Variants in UGT1A8 observed in about 807,000 individuals in gnomAD.
UGT1A8 encodes the protein UDP-glucuronosyltransferase 1A8.
UGT1A8 carries 39 observed loss-of-function variants against 45.3 expected under a neutral mutation model. The ratio of observed to expected loss-of-function variants is 0.86; its 90% CI spans 0.67 to 1.12. UGT1A8 has a LOEUF of 1.12. Among genes scored for constraint, UGT1A8 ranks in the 50% most tolerant of loss-of-function variants. The pLI is 0.00. For missense variants in UGT1A8, 719 were observed against 664.9 expected, an observed-to-expected ratio of 1.08 and a Z score of -0.90; for synonymous variants, 275 against 249.2, an observed-to-expected ratio of 1.10 and a Z score of -0.97.
chr2:233,757,188 C>CT (rs910058978), intron 1 of UGT1A8, among the ~76,000 whole-genome samples: 3 of 150,488 alleles, frequency 2.0e-5, no homozygotes, highest in African/African-American at 7.4e-5. Flanking sequence ...GCAGAGGACT[C>CT]TGAATTTTCT....
rs189834319 is a variant in UGT1A8, at chr2:233,769,760, C to T, written c.1295+1321C>T. On this transcript the variant is annotated intron_variant, in intron 4 of 4. Transcript: ENST00000373450. The surrounding 1 kb of genome is among the most constrained non-coding windows in gnomAD (Gnocchi z 4.4). ...GTCCCAGCCACTCTGGAGGCTAAGG[C>T]GGGAGGATTGCTTGAGCCCAGAAGT... The T allele has an allele frequency of 8.3e-4, 1,153 of 1,396,052 alleles. 4 individuals are homozygous for T. The African/African-American group carries it at 9.8e-3, about 12-fold the overall frequency. 86.5% of individuals were successfully genotyped at this position (1,396,052 alleles called of 1,614,324 possible).
intron 1 of UGT1A8, among the ~76,000 whole-genome samples, chr2:233,696,549 T>C (rs1159703071): frequency 2.6e-5 from 4 of 152,222 alleles, no homozygotes; most frequent in Non-Finnish European, 4.4e-5. Flanking sequence ...TTTCTGAATA[T>C]ATTATGTCAT....
intron 1 of UGT1A8, chr2:233,760,520 C>T (rs779218106): frequency 6.8e-6 from 11 of 1,614,230 alleles, no homozygotes; most frequent in South Asian, 5.5e-5. Context: ...ACCTTGAAGA[C>T]GTACCCTGTG....
At chr2:233,647,731 A>T (rs574270263) in intron 1 of UGT1A8, among the ~76,000 whole-genome samples, 1 of 152,194 alleles carries the variant, frequency 6.6e-6, no homozygotes, top group African/African-American at 2.4e-5. Context: ...TGGTGATACT[A>T]CTGCTCTCAT....
At chr2:233,729,013 C>A in intron 1 of UGT1A8, 1 of 1,586,512 alleles carries the variant, frequency 6.3e-7, no homozygotes, top group Non-Finnish European at 8.6e-7. Context: ...CTCTGTCTTC[C>A]AATTACACGT....
intron 1 of UGT1A8, among the ~76,000 whole-genome samples, chr2:233,665,126 A>G (rs1415230566): frequency 6.6e-6 from 1 of 152,200 alleles, no homozygotes; most frequent in East Asian, 1.9e-4. Context: ...ACCAGGCTGG[A>G]CATATTGTTC....
intron 1 of UGT1A8, among the ~76,000 whole-genome samples, chr2:233,704,709 C>T (rs192586332): frequency 2.6e-5 from 4 of 152,180 alleles, no homozygotes; most frequent in African/African-American, 7.2e-5. Flanking sequence ...TTTCTTAGCC[C>T]AATTTGCCTT....
At chr2:233,757,773 G>A (rs1419561449) in intron 1 of UGT1A8, among the ~76,000 whole-genome samples, 2 of 151,708 alleles carry the variant, frequency 1.3e-5, no homozygotes, top group African/African-American at 2.4e-5. Context: ...TTAGTAATAA[G>A]CCTGTCATTC....
chr2:233,756,342 A>G (rs1696188900), intron 1 of UGT1A8: 1 of 152,190 alleles, frequency 6.6e-6, no homozygotes, highest in Non-Finnish European at 1.5e-5. Flanking sequence ...TCATCTCTTG[A>G]TTACTTTTAC....
At chr2:233,665,610 T>G (rs1216418216) in intron 1 of UGT1A8, among the ~76,000 whole-genome samples, 1 of 152,180 alleles carries the variant, frequency 6.6e-6, no homozygotes, top group African/African-American at 2.4e-5. Flanking sequence ...CATTGGTTGG[T>G]TTGAATAATT....
intron 1 of UGT1A8, among the ~76,000 whole-genome samples, chr2:233,671,409 A>G (rs1480374055): frequency 6.6e-6 from 1 of 152,192 alleles, no homozygotes; most frequent in Non-Finnish European, 1.5e-5. Context: ...AAGCAGCAAT[A>G]TGTATGCATT....
intron 1 of UGT1A8, chr2:233,690,400 C>T (rs1008882106): frequency 4.8e-5 from 56 of 1,157,702 alleles, no homozygotes; most frequent in Non-Finnish European, 6.0e-5. Flanking sequence ...CCTTCCTATT[C>T]CCAACATGAA....
chr2:233,708,329 G>A (rs537041320), intron 1 of UGT1A8: 6 of 152,052 alleles, frequency 3.9e-5, no homozygotes, highest in African/African-American at 1.4e-4. Context: ...AATATCTCAA[G>A]GTTATTTGAA....
At chr2:233,660,885 G>T (rs2073948778) in intron 1 of UGT1A8, among the ~76,000 whole-genome samples, 1 of 152,042 alleles carries the variant, frequency 6.6e-6, no homozygotes, top group African/African-American at 2.4e-5. Context: ...CTGTTATCTT[G>T]AGATTTTTAA....
intron 1 of UGT1A8, chr2:233,755,063 G>A (rs776771090): frequency 2.2e-6 from 3 of 1,334,780 alleles, no homozygotes; most frequent in South Asian, 1.1e-5. Flanking sequence ...CCCTCGCCTC[G>A]CCATAGCGGT....
At chr2:233,629,906 T>A (rs1487015262) in intron 1 of UGT1A8, among the ~76,000 whole-genome samples, 1 of 152,172 alleles carries the variant, frequency 6.6e-6, no homozygotes, top group Non-Finnish European at 1.5e-5. Context: ...GTAGACTTTT[T>A]TTTGGCATAA....
At chr2:233,622,042 C>T (rs2073017347) in intron 1 of UGT1A8, among the ~76,000 whole-genome samples, 1 of 152,160 alleles carries the variant, frequency 6.6e-6, no homozygotes, top group South Asian at 2.1e-4. Context: ...CATCTATGTC[C>T]CTGCAAAGGA....
At chr2:233,671,779 C>T in intron 1 of UGT1A8, 3 of 1,399,160 alleles carry the variant, frequency 2.1e-6, no homozygotes, top group Non-Finnish European at 2.8e-6. Context: ...TATTCTTGTT[C>T]TTTTGGGTAA....
At chr2:233,652,106 G>A (rs1334260679) in intron 1 of UGT1A8, among the ~76,000 whole-genome samples, 1 of 152,228 alleles carries the variant, frequency 6.6e-6, no homozygotes, top group Non-Finnish European at 1.5e-5. Flanking sequence ...CATCCAGGGT[G>A]AGTGTAGCTC....
Sources: allele counts gnomAD v4.1 joint callset (sites outside exome capture counted in the v4.1 genomes callset), GRCh38; gene constraint gnomAD v4.1.1; non-coding constraint Gnocchi (gnomAD v3.1); transcripts MANE v1.5; gene names NCBI Gene and HGNC (gene_info 2026-07-23, HGNC 2026-07-21).